GATB: variants seen among roughly 807,000 people sequenced by gnomAD.
GATB encodes glutamyl-tRNA(Gln) amidotransferase subunit B, mitochondrial.
Under a neutral mutation model 62.3 loss-of-function variants are expected in GATB, and 39 were observed. That is an observed-to-expected ratio of 0.63 (90% CI 0.48 to 0.82). The LOEUF is 0.82. Ranked by LOEUF, GATB falls within the 40% of genes least tolerant of loss-of-function variation. The pLI, the probability that GATB is intolerant of heterozygous loss-of-function variation, is 0.00. For missense variants in GATB, 670 were observed against 684.0 expected, an observed-to-expected ratio of 0.98 and a Z score of 0.23; for synonymous variants, 276 against 258.9, an observed-to-expected ratio of 1.07 and a Z score of -0.63.
At chr4:151,756,781 A>G (rs1739838729) in intron 2 of GATB, among the ~76,000 whole-genome samples, 1 of 152,206 alleles carries the variant, frequency 6.6e-6, no homozygotes, top group Non-Finnish European at 1.5e-5. Flanking sequence ...CATTTTAATT[A>G]TTTTGAATTT....
At chr4:151,671,728 T>C (rs934681734) in intron 12 of GATB, among the ~76,000 whole-genome samples, 22 of 152,140 alleles carry the variant, frequency 1.4e-4, no homozygotes, top group African/African-American at 5.1e-4. Flanking sequence ...CTTCTCCCCC[T>C]GCTCCCCACC....
chr4:151,751,761 C>T (rs757407230), intron 2 of GATB, among the ~76,000 whole-genome samples: 1 of 152,148 alleles, frequency 6.6e-6, no homozygotes. Flanking sequence ...ACTTGCTAAG[C>T]CCTTCATTGT....
intron 11 of GATB, chr4:151,677,865 G>T (rs1456508167): frequency 2.0e-5 from 3 of 151,154 alleles, no homozygotes; most frequent in Non-Finnish European, 2.9e-5. Context: ...TTAATAATAA[G>T]AAATAAACTA....
intron 1 of GATB, among the ~76,000 whole-genome samples, chr4:151,759,204 G>C: frequency 6.6e-6 from 1 of 152,098 alleles, no homozygotes; most frequent in East Asian, 1.9e-4. Context: ...ACAATTTGGC[G>C]TCTTAAAACA....
chr4:151,671,448 G>A (rs561985365), intron 12 of GATB, 146 bp from the exon 13 acceptor site: 162 of 752,430 alleles, frequency 2.2e-4, no homozygotes, highest in Non-Finnish European at 1.0e-4. Context: ...AGAAAAAGGG[G>A]AGGGGCCTCA....
At chr4:151,703,629 T>C in intron 8 of GATB, 1 of 571,728 alleles carries the variant, frequency 1.7e-6, no homozygotes, top group Non-Finnish European at 3.1e-6. Flanking sequence ...AAAAGCTGAA[T>C]CAGTCAAACA....
intron 2 of GATB, among the ~76,000 whole-genome samples, chr4:151,728,745 G>A (rs545549333): frequency 6.6e-6 from 1 of 152,268 alleles, no homozygotes; most frequent in African/African-American, 2.4e-5. Context: ...TGACTGAAAA[G>A]CTCTAATAAT....
rs746769494 is a variant in GATB at position 151,671,161 on chromosome 4, G to T, written c.*13C>A. ...TTTGTTGTTGTCCCTTGGGCAAGGGGATCCCAAACATCTCACAATGACAGC... is the reference window on the plus strand; with the variant it reads ...TTTGTTGTTGTCCCTTGGGCAAGGGTATCCCAAACATCTCACAATGACAGC... On this transcript the variant is annotated 3_prime_UTR_variant, in exon 13 of 13. Transcript: ENST00000263985. The T allele has an allele frequency of 3.7e-6, 6 of 1,613,980 alleles. No homozygotes were observed. Among genetic ancestry groups the T allele is most frequent in the Middle Eastern group, 3.3e-4 (2 of 6,080 alleles).
At chr4:151,716,558 C>T (rs905741530) in intron 4 of GATB, among the ~76,000 whole-genome samples, 17 of 152,154 alleles carry the variant, frequency 1.1e-4, no homozygotes, top group African/African-American at 3.6e-4. Flanking sequence ...CGTGTAGGCA[C>T]CTAGGCTCCA....
intron 2 of GATB, among the ~76,000 whole-genome samples, chr4:151,734,814 A>G (rs1739337926): frequency 6.6e-6 from 1 of 152,094 alleles, no homozygotes; most frequent in Admixed American, 6.5e-5. Context: ...CAAAGCAAAC[A>G]AAAACATAAA....
chr4:151,702,239 T>G (rs1426449357), intron 8 of GATB, among the ~76,000 whole-genome samples: 2 of 152,002 alleles, frequency 1.3e-5, no homozygotes, highest in African/African-American at 4.8e-5. Context: ...TTTCAACATT[T>G]CTACTATTTT....
At chr4:151,688,990 C>T (rs1348934270) in intron 9 of GATB, among the ~76,000 whole-genome samples, 1 of 152,158 alleles carries the variant, frequency 6.6e-6, no homozygotes, top group Non-Finnish European at 1.5e-5. Flanking sequence ...AGGATAAACA[C>T]ATTTTAGAGA....
chr4:151,751,507 C>CA (rs1739720382), intron 2 of GATB, among the ~76,000 whole-genome samples: 1 of 152,104 alleles, frequency 6.6e-6, no homozygotes, highest in Non-Finnish European at 1.5e-5. Context: ...AAGAGGCCTC[C>CA]AATCAGTGGC....
intron 2 of GATB, among the ~76,000 whole-genome samples, chr4:151,744,635 G>A (rs1349525721): frequency 6.6e-6 from 1 of 152,080 alleles, no homozygotes; most frequent in Non-Finnish European, 1.5e-5. Flanking sequence ...ATATGGTTAG[G>A]TTTCAGGTGG....
intron 9 of GATB, among the ~76,000 whole-genome samples, chr4:151,690,469 A>G (rs962104969): frequency 6.6e-6 from 1 of 152,256 alleles, no homozygotes; most frequent in Non-Finnish European, 1.5e-5. Context: ...AACTTCTACA[A>G]TAGTACACAA....
intron 9 of GATB, among the ~76,000 whole-genome samples, chr4:151,692,976 T>C (rs958864949): frequency 1.8e-4 from 27 of 152,252 alleles, no homozygotes; most frequent in African/African-American, 6.5e-4. Flanking sequence ...CAGTGTGTCA[T>C]TTTGCAGAGG....
rs181624044 is a variant in GATB at position 151,727,216 on chromosome 4, C to A, written c.328-7678G>T. ...GATTTCAGGCTTGAGTCACCATGCCCGGCCCTTTATTGCTTTTCCATGTAC... is the reference window on the plus strand; with the variant it reads ...GATTTCAGGCTTGAGTCACCATGCCAGGCCCTTTATTGCTTTTCCATGTAC... On this transcript the variant is annotated intron_variant, in intron 2 of 12. Transcript: ENST00000263985. Among the ~76,000 whole-genome samples, 86 of 152,294 alleles carry A rather than the reference C, an allele frequency of 5.6e-4. 1 individual carries two copies. The highest frequency in any genetic ancestry group is 2.0e-3 in the African/African-American group (82 of 41,550).
At chr4:151,760,657 C>G (rs780713042) in intron 1 of GATB, 150 bp downstream of exon 1, 1 of 578,588 alleles carries the variant, frequency 1.7e-6, no homozygotes, top group Admixed American at 3.8e-5. Flanking sequence ...TCTGTTTGTG[C>G]TTTTATTTAG....
intron 9 of GATB, among the ~76,000 whole-genome samples, chr4:151,690,450 A>G (rs1006211003): frequency 7.9e-5 from 12 of 152,250 alleles, no homozygotes; most frequent in Non-Finnish European, 1.5e-4. Context: ...ACTTATGGAA[A>G]AGTATTCAAA....
Sources: allele counts gnomAD v4.1 joint callset (sites outside exome capture counted in the v4.1 genomes callset), GRCh38; gene constraint gnomAD v4.1.1; transcripts MANE v1.5; gene names NCBI Gene and HGNC (gene_info 2026-07-23, HGNC 2026-07-21).